The following FALEC variants were observed in gnomAD, a reference collection of about 807,000 sequenced individuals.
The protein encoded by FALEC is focally amplified lncRNA regulator of ECM1, also known as focally amplified lncRNA on chromosome 1.
chr1:150,531,311 A>G, the FALEC span, among the ~76,000 whole-genome samples: 8 of 152,296 alleles, frequency 5.3e-5, no homozygotes, highest in African/African-American at 1.9e-4. Flanking sequence ...CCTGACCAAC[A>G]TGGAGAAATC....
chr1:150,519,833 C>T (rs776399738), downstream of FALEC, among the ~76,000 whole-genome samples: 193 of 150,774 alleles, frequency 1.3e-3, 7 homozygotes, highest in Non-Finnish European at 2.5e-4. Context: ...GCCTGGGCAA[C>T]AAGAGCGAAA....
the FALEC span, among the ~76,000 whole-genome samples, chr1:150,528,972 A>G: frequency 7.1e-6 from 1 of 141,192 alleles, no homozygotes; most frequent in Non-Finnish European, 1.5e-5. Context: ...CAGGCATCCC[A>G]GAGCCTAGCC....
chr1:150,516,263 CG>C (rs907655429), intron 1 of FALEC, among the ~76,000 whole-genome samples: 3 of 151,162 alleles, frequency 2.0e-5, no homozygotes, highest in African/African-American at 7.3e-5. Context: ...AAAAAGGGAG[CG>C]GGGGGGCTTT....
downstream of FALEC, among the ~76,000 whole-genome samples, chr1:150,518,747 A>G (rs1670602700): frequency 6.6e-6 from 1 of 152,058 alleles, no homozygotes; most frequent in Admixed American, 6.6e-5. Context: ...CCAAAATTAC[A>G]TAGTTAACAT....
the FALEC span, among the ~76,000 whole-genome samples, chr1:150,529,226 G>T: frequency 1.3e-5 from 2 of 152,174 alleles, no homozygotes; most frequent in African/African-American, 4.8e-5. Flanking sequence ...AGTAAGAGCT[G>T]CCAAGTAGTG....
the FALEC span, among the ~76,000 whole-genome samples, chr1:150,535,404 T>C: frequency 6.6e-6 from 1 of 152,130 alleles, no homozygotes; most frequent in African/African-American, 2.4e-5. Flanking sequence ...CCACCACGCC[T>C]GGCTAATTTT....
downstream of FALEC, among the ~76,000 whole-genome samples, chr1:150,520,424 T>C (rs1670623849): frequency 6.6e-6 from 1 of 152,232 alleles, no homozygotes; most frequent in African/African-American, 2.4e-5. Flanking sequence ...ATATTTGTCC[T>C]TTTGCATCTG....
chr1:150,521,111 A>G (rs1334104456), downstream of FALEC, among the ~76,000 whole-genome samples: 2 of 152,010 alleles, frequency 1.3e-5, no homozygotes, highest in South Asian at 2.1e-4. Flanking sequence ...TCATTTTCAT[A>G]TGGAATTCTA....
At chr1:150,536,466 T>C in the FALEC span, among the ~76,000 whole-genome samples, 311 of 152,310 alleles carry the variant, frequency 2.0e-3, no homozygotes, top group Non-Finnish European at 3.1e-3. Context: ...TTTCTTCACC[T>C]GTAAAATGAA....
the FALEC span, among the ~76,000 whole-genome samples, chr1:150,529,153 G>A: frequency 6.6e-6 from 1 of 151,740 alleles, no homozygotes; most frequent in Non-Finnish European, 1.5e-5. Flanking sequence ...AAAGCTTAAT[G>A]AATCATTAAA....
the FALEC span, among the ~76,000 whole-genome samples, chr1:150,535,940 T>G: frequency 6.6e-6 from 1 of 152,214 alleles, no homozygotes; most frequent in Non-Finnish European, 1.5e-5. Context: ...GTGACTGCAA[T>G]TTCATCACAC....
chr1:150,524,869 C>T, the FALEC span, among the ~76,000 whole-genome samples: 2 of 151,944 alleles, frequency 1.3e-5, no homozygotes, highest in Non-Finnish European at 2.9e-5. Flanking sequence ...GTGGTACTTG[C>T]CTGTAGTCCC....
downstream of FALEC, among the ~76,000 whole-genome samples, chr1:150,520,763 A>ATTTTC (rs1474768990): frequency 1.1e-3 from 73 of 66,172 alleles, 1 homozygote; most frequent in Admixed American, 2.3e-3. Flanking sequence ...TAGTTCATTC[A>ATTTTC]TTTTCTTTTC....
downstream of FALEC, among the ~76,000 whole-genome samples, chr1:150,521,130 A>G (rs1159412431): frequency 6.6e-6 from 1 of 152,184 alleles, no homozygotes; most frequent in Non-Finnish European, 1.5e-5. Flanking sequence ...TATTTCAGAA[A>G]TATGCCAATT....
chr1:150,517,996 A>T (rs587628057), exon 2 of FALEC: 1 of 152,334 alleles, frequency 6.6e-6, no homozygotes, highest in East Asian at 1.9e-4. Context: ...TCTGCACTCT[A>T]CACTAGCAGC....
At chr1:150,524,586 G>T in the FALEC span, among the ~76,000 whole-genome samples, 2 of 152,100 alleles carry the variant, frequency 1.3e-5, no homozygotes, top group African/African-American at 2.4e-5. Context: ...ATGGACAAAA[G>T]ATTTGAATAG....
At chr1:150,535,149 C>T in the FALEC span, among the ~76,000 whole-genome samples, 2 of 152,216 alleles carry the variant, frequency 1.3e-5, no homozygotes, top group East Asian at 3.8e-4. Context: ...ATAGCTTCCT[C>T]CTGAGGCCTT....
chr1:150,530,962 C>T, the FALEC span, among the ~76,000 whole-genome samples: 1 of 152,214 alleles, frequency 6.6e-6, no homozygotes, highest in Non-Finnish European at 1.5e-5. Flanking sequence ...CCTAACTGCA[C>T]TGCAGCCTCT....
chr1:150,530,415 T>G, the FALEC span, among the ~76,000 whole-genome samples: 1 of 152,196 alleles, frequency 6.6e-6, no homozygotes, highest in Non-Finnish European at 1.5e-5. Flanking sequence ...CCTCTGATAC[T>G]GTGTGGTCCC....
Sources: gnomAD v4.1 joint callset for allele counts (sites outside exome capture counted in the v4.1 genomes callset) on GRCh38, gnomAD v4.1.1 for gene constraint, MANE v1.5 for transcripts, NCBI Gene and HGNC (gene_info 2026-07-23, HGNC 2026-07-21) for gene names.